FMR1: variants seen among roughly 807,000 people sequenced by gnomAD.
The protein encoded by FMR1 is fragile X messenger ribonucleoprotein 1.
A neutral mutation model predicts 50.6 loss-of-function variants in FMR1; 13 were observed. That is an observed-to-expected ratio of 0.26 (90% CI 0.17 to 0.41). FMR1 has a LOEUF of 0.41. Among genes scored for constraint, FMR1 ranks in the 10% least tolerant of loss-of-function variants. The pLI, the probability that FMR1 is intolerant of heterozygous loss-of-function variation, is 1.00. For missense variants in FMR1, 316 were observed against 491.3 expected (o/e 0.64, Z 3.37); for synonymous variants, 138 against 164.1 (o/e 0.84, Z 1.22).
At chrX:147,943,366 C>T (rs1603033752) in intron 14 of FMR1, 40 bp downstream of exon 14, 2 of 1,078,226 alleles carry the variant, frequency 1.9e-6, no homozygotes, top group Non-Finnish European at 2.6e-6. Context: ...TTATCTGTTC[C>T]TAGACTTATA....
At chrX:147,939,420 T>G (rs150884427) in intron 12 of FMR1, among the ~76,000 whole-genome samples, 1 of 111,729 alleles carries the variant, frequency 9.0e-6, no homozygotes, top group Non-Finnish European at 1.9e-5. Flanking sequence ...TATTGAAATG[T>G]GTATGGGCTT....
rs1325385522 is a variant in FMR1 at position 147,940,345 on chromosome X, A to G, written c.1189-231A>G. On this transcript the variant is annotated intron_variant, in intron 12 of 16. Coordinates refer to ENST00000370475, the MANE Select transcript of FMR1 (RefSeq NM_002024.6). ...TTGCTGATACTGAATACTAGTCTTT[A>G]TAATAATCTGATACGTTTAAAAGGT... 18 of 382,489 alleles carry G rather than the reference A, an allele frequency of 4.7e-5. No individual in the cohort carries two copies. The South Asian group carries it at 6.1e-4, about 13-fold the overall frequency. 31.5% of individuals were successfully genotyped at this position (382,489 alleles called of 1,213,427 possible).
At chrX:147,944,316 C>A in intron 14 of FMR1, 1 of 752,695 alleles carries the variant, frequency 1.3e-6, no homozygotes, top group Non-Finnish European at 1.6e-6. Context: ...GGTTGTGGAC[C>A]AAACATCAGG....
intron 11 of FMR1, among the ~76,000 whole-genome samples, 173 bp downstream of exon 11, chrX:147,937,773 T>C (rs782302816): frequency 8.9e-6 from 1 of 112,205 alleles, no homozygotes; most frequent in Admixed American, 9.4e-5. Context: ...TACATACTTT[T>C]CAATTTATTC....
At chrX:147,939,469 T>C (rs1208584386) in intron 12 of FMR1, among the ~76,000 whole-genome samples, 2 of 112,221 alleles carry the variant, frequency 1.8e-5, no homozygotes, top group African/African-American at 6.5e-5. Context: ...TATTTTTTTG[T>C]CTCACAGATT....
chrX:147,929,693 C>G (rs1167943437), intron 5 of FMR1, among the ~76,000 whole-genome samples: 3 of 111,592 alleles, frequency 2.7e-5, no homozygotes, highest in African/African-American at 9.8e-5. Context: ...CTTAAGAAAA[C>G]TACTGACTTG....
chrX:147,921,889 T>G (rs180708595), intron 1 of FMR1, 44 bp from the exon 2 acceptor site: 3 of 909,735 alleles, frequency 3.3e-6, no homozygotes, highest in African/African-American at 3.8e-5. Flanking sequence ...AAACAAAAAC[T>G]ATCTTTAAGC....
intron 1 of FMR1, chrX:147,912,870 A>G (rs925144408): frequency 3.4e-6 from 1 of 294,504 alleles, no homozygotes; most frequent in Non-Finnish European, 5.9e-6. Context: ...TTTTAGATCC[A>G]AAAGTTTCAG....
chrX:147,950,248 T>C lies in FMR1; in HGVS notation c.*1404T>C. 3.0e-6 allele frequency: 1 copy of C among 329,738 alleles called. No individual in the cohort carries two copies. Among genetic ancestry groups the C allele is most frequent in the Non-Finnish European group, 5.9e-6 (1 of 169,932 alleles). 27.2% of individuals were successfully genotyped at this position (329,738 alleles called of 1,213,427 possible). ...TGATGTATTTTGTGAGTTTGTTTCT[T>C]TGAATTTTCATTTTACAGTTACTTT... On this transcript the variant is annotated 3_prime_UTR_variant, in exon 17 of 17. Coordinates refer to ENST00000370475, the MANE Select transcript of FMR1 (RefSeq NM_002024.6).
chrX:147,936,706 G>C, intron 10 of FMR1, 93 bp downstream of exon 10: 1 of 546,298 alleles, frequency 1.8e-6, no homozygotes, highest in Non-Finnish European at 3.2e-6. Context: ...TGCATAAAGT[G>C]AATGCAAATA....
chrX:147,948,508 A>G (rs2044250383), intron 16 of FMR1, 175 bp from the exon 17 acceptor site: 2 of 1,088,451 alleles, frequency 1.8e-6, no homozygotes, highest in Non-Finnish European at 1.2e-6. Flanking sequence ...TTTTAAAATC[A>G]TAAACCAAAT....
At chrX:147,912,338 G>A in intron 1 of FMR1, 108 bp downstream of exon 1, 1 of 758,544 alleles carries the variant, frequency 1.3e-6, no homozygotes, top group South Asian at 2.5e-5. Context: ...ACCGCGCCTG[G>A]GTGCCAGGGC....
intron 1 of FMR1, among the ~76,000 whole-genome samples, chrX:147,920,527 C>T (rs1557176218): frequency 9.0e-6 from 1 of 111,326 alleles, no homozygotes; most frequent in Non-Finnish European, 1.9e-5. Context: ...ACACACATAC[C>T]TTTTCCCTAA....
intron 7 of FMR1, among the ~76,000 whole-genome samples, chrX:147,932,004 A>G (rs782222851): frequency 1.8e-5 from 2 of 111,988 alleles, no homozygotes; most frequent in Admixed American, 1.9e-4. Context: ...TGAAGCGAAT[A>G]AAATTTTCTA....
At chrX:147,916,051 A>C (rs1157414507) in intron 1 of FMR1, among the ~76,000 whole-genome samples, 7 of 112,343 alleles carry the variant, frequency 6.2e-5, no homozygotes, top group African/African-American at 2.3e-4. Flanking sequence ...GAAATAATTC[A>C]GTTTATGTGC....
At chrX:147,932,636 T>C in intron 8 of FMR1, 41 bp downstream of exon 8, 1 of 1,190,826 alleles carries the variant, frequency 8.4e-7, no homozygotes. Context: ...CCCAAACAAG[T>C]ATTTCAGCTG....
In FMR1 at chrX:147,916,972, C is replaced by T. The variant is rs148338484; in HGVS notation, c.51+4742C>T. 4.6e-3 allele frequency among the ~76,000 whole-genome samples: 518 copies of T among 112,223 alleles called. 7 individuals carry two copies. The highest frequency in any genetic ancestry group is 0.016 in the African/African-American group (482 of 30,850). On this transcript the variant is annotated intron_variant, in intron 1 of 16. Transcript: ENST00000370475. ...AGGCTGATCTCAAGTTATCTGCCTGCCTCAGCCCTCCAAAGTGCTGGAATT... is the reference window on the plus strand; with the variant it reads ...AGGCTGATCTCAAGTTATCTGCCTGTCTCAGCCCTCCAAAGTGCTGGAATT...
chrX:147,924,800 T>A (rs2043329697), intron 2 of FMR1: 1 of 109,908 alleles, frequency 9.1e-6, no homozygotes, highest in Non-Finnish European at 1.9e-5. Context: ...GATTATAGGC[T>A]TGAGCCACCG....
chrX:147,928,526 A>G (rs1309680379), intron 4 of FMR1, 133 bp downstream of exon 4: 9 of 738,706 alleles, frequency 1.2e-5, no homozygotes, highest in African/African-American at 2.2e-5. Context: ...TGTTTTCACT[A>G]TGTGTTCAGT....
Sources: gnomAD v4.1 joint callset for allele counts (sites outside exome capture counted in the v4.1 genomes callset) on GRCh38, gnomAD v4.1.1 for gene constraint, MANE v1.5 for transcripts, NCBI Gene and HGNC (gene_info 2026-07-23, HGNC 2026-07-21) for gene names.